OR4N2: variants seen among roughly 807,000 people sequenced by gnomAD.
OR4N2 encodes the protein olfactory receptor family 4 subfamily N member 2.
For missense variants in OR4N2, 307 were observed against 377.6 expected, an observed-to-expected ratio of 0.81 and a Z score of 1.55; for synonymous variants, 141 against 140.4, an observed-to-expected ratio of 1.00 and a Z score of -0.03.
chr14:19,814,828 C>G (rs554501443), intron 1 of OR4N2, among the ~76,000 whole-genome samples: 24 of 152,326 alleles, frequency 1.6e-4, no homozygotes, highest in African/African-American at 5.3e-4. Flanking sequence ...CCTAGCCCCC[C>G]ACCCTGTGAC....
At chr14:19,810,889 G>A (rs1879279001) in intron 1 of OR4N2, among the ~76,000 whole-genome samples, 2 of 152,184 alleles carry the variant, frequency 1.3e-5, no homozygotes, top group Admixed American at 1.3e-4. Context: ...GGATAATAAG[G>A]GAATATAAAG....
At chr14:19,817,915 T>G (rs2138472553) in intron 1 of OR4N2, among the ~76,000 whole-genome samples, 1 of 152,358 alleles carries the variant, frequency 6.6e-6, no homozygotes, top group African/African-American at 2.4e-5. Flanking sequence ...TTCAAAGAAC[T>G]TATTTATTTC....
intron 1 of OR4N2, among the ~76,000 whole-genome samples, chr14:19,814,320 G>A (rs1276309556): frequency 3.3e-5 from 5 of 152,200 alleles, no homozygotes; most frequent in Non-Finnish European, 7.3e-5. Context: ...CTATGTAGGA[G>A]GTCACCTTCC....
intron 1 of OR4N2, among the ~76,000 whole-genome samples, chr14:19,810,467 ACCTAG>A (rs2138463822): frequency 6.6e-6 from 1 of 152,400 alleles, no homozygotes; most frequent in South Asian, 2.1e-4. Flanking sequence ...TTATCATTTA[ACCTAG>A]CAATCTCATT....
At chr14:19,804,114 C>T (rs1879095664) in intron 1 of OR4N2, among the ~76,000 whole-genome samples, 1 of 152,170 alleles carries the variant, frequency 6.6e-6, no homozygotes, top group African/African-American at 2.4e-5. Flanking sequence ...CTAGCCAATG[C>T]TCTATCAATC....
chr14:19,819,605 T>C (rs1243921346), intron 1 of OR4N2, among the ~76,000 whole-genome samples: 2 of 152,272 alleles, frequency 1.3e-5, no homozygotes, highest in Non-Finnish European at 2.9e-5. Flanking sequence ...TTCAAGGTTC[T>C]TAGCTTCCTT....
At chr14:19,817,604 G>C (rs1323947701) in intron 1 of OR4N2, among the ~76,000 whole-genome samples, 1 of 152,176 alleles carries the variant, frequency 6.6e-6, no homozygotes, top group African/African-American at 2.4e-5. Flanking sequence ...CTGGTTAGTG[G>C]TCTATTTATT....
chr14:19,819,621 G>T (rs1879513194), intron 1 of OR4N2, among the ~76,000 whole-genome samples: 1 of 152,172 alleles, frequency 6.6e-6, no homozygotes, highest in Non-Finnish European at 1.5e-5. Flanking sequence ...TCCTTGCATT[G>T]GGTTAGAACA....
rs752061920 is a variant in OR4N2 at position 19,828,347 on chromosome 14, A to G, written c.899A>G (p.Lys300Arg). The change falls in exon 2 of 2, where the codon AAG becomes AGG. Residue 300 changes from lysine (K) to arginine (R), a missense_variant. Transcript: ENST00000557677. ...CAGGAAGTGAAAGCTTCCATGAAAA[A>G]GGTGTTTAATAAGCACATAGCCTGA... ...RNQEVKASMK[K>R]VFNKHIA 1.9e-6 allele frequency: 3 copies of G among 1,613,302 alleles called. No individual in the cohort carries two copies. The East Asian group carries it at 6.7e-5, about 36-fold the overall frequency.
rs138439011 is a variant in OR4N2 at position 19,827,537 on chromosome 14, T to G, written c.89T>G (p.Leu30Arg). 2.5e-4 allele frequency: 407 copies of G among 1,614,040 alleles called. No homozygotes were observed. The highest frequency in any genetic ancestry group is 2.0e-3 in the African/African-American group (150 of 74,978). The change falls in exon 2 of 2, where the codon CTA becomes CGA. Residue 30 changes from leucine to arginine, a missense_variant. Physicochemically the swap from Leu to Arg is moderately radical, Grantham distance 102. Coordinates refer to ENST00000557677, the MANE Select transcript of OR4N2 (RefSeq NM_001004723.3). Reference sequence around the variant, plus strand: ...GATATTCAGCTCCTGGTCTTTGTGCTAGTTTTAATATTCTACTTCATCATC... The same window carrying G: ...GATATTCAGCTCCTGGTCTTTGTGCGAGTTTTAATATTCTACTTCATCATC... ...SQDIQLLVFV[L>R]VLIFYFIILP...
intron 1 of OR4N2, among the ~76,000 whole-genome samples, chr14:19,812,500 TTTTGTTTG>T (rs531494706): frequency 2.7e-5 from 4 of 148,172 alleles, no homozygotes; most frequent in African/African-American, 7.8e-5. Context: ...GAGATAATTT[TTTTGTTTG>T]TTTGTTTGTT....
At position 19,830,056 on chromosome 14, in the gene OR4N2, C is replaced by A. The variant is rs1254870975; in HGVS notation, c.*1684C>A. Reference sequence around the variant, plus strand: ...CTGATCCTGCTCCTACAGAAGTAAACCCTTCCACCTGTGCACCAGATTCCA... The same window carrying A: ...CTGATCCTGCTCCTACAGAAGTAAAACCTTCCACCTGTGCACCAGATTCCA... On this transcript the variant is annotated 3_prime_UTR_variant, in exon 2 of 2. Coordinates refer to ENST00000557677, the MANE Select transcript of OR4N2 (RefSeq NM_001004723.3). The A allele has an allele frequency of 6.5e-6, 1 of 152,700 alleles. No homozygotes were observed. The highest frequency in any genetic ancestry group is 1.5e-5 in the Non-Finnish European group (1 of 68,412). The allele number at this position is 152,700 out of a possible 1,614,324, so 9.5% of individuals were successfully genotyped here.
chr14:19,811,972 T>C (rs1484556437), intron 1 of OR4N2, among the ~76,000 whole-genome samples: 2 of 152,216 alleles, frequency 1.3e-5, no homozygotes, highest in African/African-American at 4.8e-5. Context: ...GGTATTAATA[T>C]TAGGAAGAAA....
intron 1 of OR4N2, among the ~76,000 whole-genome samples, chr14:19,825,531 T>TTATG (rs1271584332): frequency 9.4e-6 from 1 of 106,702 alleles, no homozygotes; most frequent in African/African-American, 4.4e-5. Flanking sequence ...GAGCACTTAT[T>TTATG]TATTTATTTA....
intron 1 of OR4N2, among the ~76,000 whole-genome samples, chr14:19,804,191 A>G (rs1327541683): frequency 1.1e-4 from 17 of 151,584 alleles, no homozygotes; most frequent in Admixed American, 9.2e-4. Flanking sequence ...TTGCATCTCA[A>G]TTTCTTTCAG....
At chr14:19,826,255 C>T (rs1350562848) in intron 1 of OR4N2, among the ~76,000 whole-genome samples, 1 of 152,240 alleles carries the variant, frequency 6.6e-6, no homozygotes, top group African/African-American at 2.4e-5. Context: ...CTTCACAATG[C>T]ACATTGTTTT....
intron 1 of OR4N2, among the ~76,000 whole-genome samples, chr14:19,804,745 T>A (rs1276386686): frequency 2.6e-5 from 4 of 152,240 alleles, no homozygotes; most frequent in African/African-American, 9.6e-5. Flanking sequence ...CAGTCCCGAA[T>A]CTCTTTGTTC....
intron 1 of OR4N2, among the ~76,000 whole-genome samples, chr14:19,817,245 G>T (rs1419664702): frequency 1.3e-5 from 2 of 152,184 alleles, no homozygotes; most frequent in Non-Finnish European, 2.9e-5. Context: ...TCTATTGTTT[G>T]TAATAGTTTC....
chr14:19,812,868 ACT>A (rs1469006360), intron 1 of OR4N2, among the ~76,000 whole-genome samples: 10 of 152,224 alleles, frequency 6.6e-5, no homozygotes, highest in African/African-American at 2.4e-4. Flanking sequence ...TCAGAGACAA[ACT>A]CTTTTGTTGG....
Sources: gnomAD v4.1 joint callset for allele counts (sites outside exome capture counted in the v4.1 genomes callset) on GRCh38, gnomAD v4.1.1 for gene constraint, MANE v1.5 for transcripts, NCBI Gene and HGNC (gene_info 2026-07-23, HGNC 2026-07-21) for gene names.